The following SLC8A3 variants were observed in gnomAD, a reference collection of about 807,000 sequenced individuals.
The protein encoded by SLC8A3 is solute carrier family 8 member A3.
A neutral mutation model predicts 65.4 loss-of-function variants in SLC8A3; 37 were observed. The ratio of observed to expected loss-of-function variants is 0.57; its 90% CI spans 0.44 to 0.74. SLC8A3 has a LOEUF of 0.74. Ranked by LOEUF, SLC8A3 falls within the 30% of genes least tolerant of loss-of-function variation. The pLI is 0.00. For synonymous variants in SLC8A3, 461 were observed against 444.5 expected (o/e 1.04, Z -0.47); for missense variants, 1,112 against 1,172.1 (o/e 0.95, Z 0.75).
intron 2 of SLC8A3, among the ~76,000 whole-genome samples, chr14:70,106,475 C>T (rs1213100182): frequency 2.6e-5 from 4 of 152,074 alleles, no homozygotes; most frequent in Non-Finnish European, 4.4e-5. Context: ...GAGTAATTAT[C>T]TCATACAATG....
intron 3 of SLC8A3, among the ~76,000 whole-genome samples, chr14:70,057,233 G>T (rs1263488929): frequency 6.6e-6 from 1 of 152,078 alleles, no homozygotes; most frequent in Non-Finnish European, 1.5e-5. Context: ...AATTCCAAAG[G>T]TTAATGGATC....
intron 2 of SLC8A3, among the ~76,000 whole-genome samples, chr14:70,124,139 C>G (rs1007629098): frequency 2.0e-5 from 3 of 152,090 alleles, no homozygotes; most frequent in Non-Finnish European, 2.9e-5. Context: ...AAATCAAAAG[C>G]CTTGCCTACT....
chr14:70,131,797 G>A (rs575741807), intron 2 of SLC8A3, among the ~76,000 whole-genome samples: 1 of 152,306 alleles, frequency 6.6e-6, no homozygotes, highest in South Asian at 2.1e-4. Flanking sequence ...AAAACAATCA[G>A]GGGGATCACA....
chr14:70,114,510 A>G (rs1359862106), intron 2 of SLC8A3, among the ~76,000 whole-genome samples: 1 of 152,148 alleles, frequency 6.6e-6, no homozygotes, highest in Non-Finnish European at 1.5e-5. Context: ...GCATTGTCCA[A>G]TTTCTGCCCT....
intron 2 of SLC8A3, among the ~76,000 whole-genome samples, chr14:70,083,251 G>A (rs758185682): frequency 2.1e-4 from 32 of 152,220 alleles, no homozygotes; most frequent in African/African-American, 6.3e-4. Context: ...TATCATCTCC[G>A]GAGAGCTCTT....
At chr14:70,182,530 G>T (rs1882839950) in intron 1 of SLC8A3, among the ~76,000 whole-genome samples, 1 of 145,312 alleles carries the variant, frequency 6.9e-6, no homozygotes, top group East Asian at 2.0e-4. Flanking sequence ...AGGAGCTAAT[G>T]GTCAATATTA....
intron 2 of SLC8A3, among the ~76,000 whole-genome samples, chr14:70,092,336 C>A (rs1163550947): frequency 2.0e-5 from 3 of 152,160 alleles, no homozygotes; most frequent in Non-Finnish European, 4.4e-5. Context: ...TTTCCTGATG[C>A]CCCTCCTCAC....
At position 70,186,873 on chromosome 14, in the gene SLC8A3, C is replaced by A. The variant is rs187352693; in HGVS notation, c.-63+1506G>T. 3.9e-5 allele frequency among the ~76,000 whole-genome samples: 6 copies of A among 152,288 alleles called. No homozygotes were observed. In the South Asian group the frequency reaches 6.2e-4, roughly 16 times the overall value. On this transcript the variant is annotated intron_variant, in intron 1 of 6. Transcript: ENST00000356921. The stretch of plus-strand genomic sequence containing the variant: ...AAGAGCCCATAAAGGGTGAACTGAT[C>A]CCCCTATTTCAGGAAGAGCATGGCG...
intron 3 of SLC8A3, chr14:70,059,385 C>A (rs182210243): frequency 6.6e-6 from 1 of 152,256 alleles, no homozygotes; most frequent in East Asian, 1.9e-4. Flanking sequence ...CCCTTTTTGA[C>A]AAACAGGTGG....
intron 3 of SLC8A3, among the ~76,000 whole-genome samples, chr14:70,055,342 A>G (rs1449755104): frequency 6.6e-6 from 1 of 152,090 alleles, no homozygotes; most frequent in Admixed American, 6.5e-5. Flanking sequence ...TGCATTTCCT[A>G]TTCTCACAAC....
chr14:70,069,459 G>A (rs1889797992), intron 2 of SLC8A3, among the ~76,000 whole-genome samples: 1 of 152,218 alleles, frequency 6.6e-6, no homozygotes, highest in Non-Finnish European at 1.5e-5. Context: ...CTCCGGGTCA[G>A]CTAACACTCA....
chr14:70,174,405 G>C (rs1190112484), intron 1 of SLC8A3, among the ~76,000 whole-genome samples: 2 of 152,214 alleles, frequency 1.3e-5, no homozygotes, highest in African/African-American at 4.8e-5. Context: ...GGTTGGGTTA[G>C]ATGATCGCTA....
intron 5 of SLC8A3, among the ~76,000 whole-genome samples, chr14:70,049,253 C>T (rs1887182639): frequency 6.6e-6 from 1 of 151,870 alleles, no homozygotes; most frequent in South Asian, 2.1e-4. Context: ...ATGCAGGGCA[C>T]CAAGGTAGAG....
At chr14:70,168,512 G>T in intron 1 of SLC8A3, 28 bp from the exon 2 acceptor site, 1 of 1,070,154 alleles carries the variant, frequency 9.3e-7, no homozygotes, top group South Asian at 1.6e-5. Flanking sequence ...GGCAGGAAAA[G>T]GCATGAGGAA....
intron 2 of SLC8A3, among the ~76,000 whole-genome samples, chr14:70,093,500 G>T (rs1259468355): frequency 6.6e-6 from 1 of 152,164 alleles, no homozygotes. Flanking sequence ...CTATTGAGGG[G>T]ATGAGACAAC....
intron 1 of SLC8A3, among the ~76,000 whole-genome samples, chr14:70,172,229 A>G (rs1353372374): frequency 6.6e-6 from 1 of 152,178 alleles, no homozygotes; most frequent in Non-Finnish European, 1.5e-5. Context: ...TTATTTGCAT[A>G]ATGCTGAGTG....
chr14:70,144,497 G>C (rs57831918), intron 2 of SLC8A3, among the ~76,000 whole-genome samples: 5,769 of 151,686 alleles, frequency 0.038, 361 homozygotes, highest in African/African-American at 0.13. Flanking sequence ...GGGTATGGTG[G>C]CACACGCCTG....
intron 2 of SLC8A3, among the ~76,000 whole-genome samples, chr14:70,130,496 A>G (rs116094053): frequency 1.3e-5 from 2 of 152,196 alleles, no homozygotes; most frequent in South Asian, 4.1e-4. Flanking sequence ...TTGGGGGAAC[A>G]CTGTTCAGCT....
chr14:70,053,761 C>T (rs927528790), intron 3 of SLC8A3, among the ~76,000 whole-genome samples: 1 of 152,212 alleles, frequency 6.6e-6, no homozygotes, highest in Non-Finnish European at 1.5e-5. Flanking sequence ...TGACAAATAA[C>T]CAATCCTCTA....
Sources: allele counts gnomAD v4.1 joint callset (sites outside exome capture counted in the v4.1 genomes callset), GRCh38; gene constraint gnomAD v4.1.1; transcripts MANE v1.5; gene names NCBI Gene and HGNC (gene_info 2026-07-23, HGNC 2026-07-21).